The following OR6C75 variants were observed in gnomAD, a reference collection of about 807,000 sequenced individuals.
OR6C75 encodes the protein olfactory receptor 6C75.
For missense variants in OR6C75, 380 were observed against 368.0 expected (o/e 1.03, Z -0.27); for synonymous variants, 149 against 130.6 (o/e 1.14, Z -0.96).
intron 2 of OR6C75, among the ~76,000 whole-genome samples, chr12:55,364,569 C>T (rs746483160): frequency 1.2e-4 from 18 of 151,730 alleles, no homozygotes; most frequent in Non-Finnish European, 2.7e-4. Context: ...TCAGGTGATC[C>T]ATCTGCCTCA....
chr12:55,363,600 CT>C (rs895296602), intron 1 of OR6C75, among the ~76,000 whole-genome samples, 192 bp from the exon 2 acceptor site: 2 of 151,884 alleles, frequency 1.3e-5, no homozygotes, highest in African/African-American at 2.4e-5. Context: ...GAGATGCTCT[CT>C]TTTTTTCTTT....
At position 55,365,251 on chromosome 12, in the gene OR6C75, C is replaced by T; in HGVS notation, c.141C>T (p.Thr47=). ...GGAACCTGATCATTATCACCCTCAC[C>T]CTTTCAGATCCCCATCTGCAGACTC... is the stretch of plus-strand genomic sequence containing the variant. The part of the protein sequence containing the change: ...VTGNLIIITL[T]LSDPHLQTPM... Residue 47 remains threonine, a synonymous_variant, in exon 3 of 3, where the codon ACC becomes ACT. Transcript: ENST00000641576. The T allele has an allele frequency of 6.2e-7, 1 of 1,612,860 alleles. No homozygotes were observed. The highest frequency in any genetic ancestry group is 8.5e-7 in the Non-Finnish European group (1 of 1,179,514).
At position 55,365,716 on chromosome 12, in the gene OR6C75, G is replaced by A. The variant is rs1869784043; in HGVS notation, c.606G>A (p.Val202=). 1 of 1,613,668 alleles carries A rather than the reference G, an allele frequency of 6.2e-7. No homozygotes were observed. The highest frequency in any genetic ancestry group is 1.7e-5 in the Admixed American group (1 of 59,950). ...FLELMAFFLA[V]VTLMVTLTLV... ...AACTCATGGCATTTTTTTTAGCTGT[G>A]GTAACACTGATGGTCACCTTGACAT... The change falls in exon 3 of 3, where the codon GTG becomes GTA. Residue 202 remains valine, a synonymous_variant. Coordinates refer to ENST00000641576, the MANE Select transcript of OR6C75 (RefSeq NM_001005497.2).
Position 55,365,355 on chromosome 12 carries a change from C to T in OR6C75, c.245C>T (p.Thr82Ile), listed in dbSNP as rs1406771829. Residue 82 changes from threonine (T) to isoleucine (I), a missense_variant, in exon 3 of 3, where the codon ACT (threonine) becomes ATT (isoleucine). Coordinates refer to ENST00000641576, the MANE Select transcript of OR6C75 (RefSeq NM_001005497.2). ...TSVCIPRFLV[T>I]VVTGNRTISY... ...GTCTGCATTCCCAGATTCCTTGTCA[C>T]TGTTGTGACAGGAAACAGAACCATT... 2 of 1,613,906 alleles carry T rather than the reference C, an allele frequency of 1.2e-6. No individual in the cohort carries two copies. The highest frequency in any genetic ancestry group is 1.7e-6 in the Non-Finnish European group (2 of 1,179,954).
chr12:55,365,664 T>A lies in OR6C75; in HGVS notation c.554T>A (p.Leu185His). 6.2e-7 allele frequency: 1 copy of A among 1,614,126 alleles called. No individual in the cohort carries two copies. The highest frequency in any genetic ancestry group is 8.5e-7 in the Non-Finnish European group (1 of 1,180,014). Reference protein sequence around the residue: ...FICDSSPMLQLSCTNTHFLEL... With the variant: ...FICDSSPMLQHSCTNTHFLEL... ...TGTGACTCTTCTCCAATGCTGCAGC[T>A]CTCTTGCACAAACACTCACTTTCTA... is the stretch of plus-strand genomic sequence containing the variant. The change falls in exon 3 of 3, where the codon CTC becomes CAC. Residue 185 changes from leucine (L) to histidine (H), a missense_variant. By Grantham distance (99) the Leu-to-His change is moderately conservative. Coordinates refer to ENST00000641576, the MANE Select transcript of OR6C75 (RefSeq NM_001005497.2).
rs143259553 is a variant in OR6C75 at position 55,368,286 on chromosome 12, T to A, written c.*2237T>A. The A allele has an allele frequency of 0.027, 4,136 of 152,154 alleles. 94 individuals are homozygous for A. The highest frequency in any genetic ancestry group is 0.06 in the African/African-American group (2,476 of 41,464). 9.4% of individuals were successfully genotyped at this position (152,154 alleles called of 1,614,324 possible). ...TGAGGCCAGGAGTTCAAGACCAGCC[T>A]GGACAGCATAGCAAGACCCTATCTC... On this transcript the variant is annotated 3_prime_UTR_variant, in exon 3 of 3. Transcript: ENST00000641576.
At position 55,365,977 on chromosome 12, in the gene OR6C75, A is replaced by C. The variant is rs780144762; in HGVS notation, c.867A>C (p.Thr289=). Residue 289 remains threonine (T), a synonymous_variant, in exon 3 of 3, where the codon ACA becomes ACC. Coordinates refer to ENST00000641576, the MANE Select transcript of OR6C75 (RefSeq NM_001005497.2). ...VAPLLNPFIY[T]LRNKQVKQAF... ...CTCTCTTGAATCCCTTCATATACAC[A>C]CTGAGAAATAAGCAAGTGAAGCAAG... 4 of 1,611,318 alleles carry C rather than the reference A, an allele frequency of 2.5e-6. No homozygotes were observed. Among genetic ancestry groups the C allele is most frequent in the Admixed American group, 1.7e-5 (1 of 59,588 alleles).
intron 2 of OR6C75, among the ~76,000 whole-genome samples, chr12:55,364,602 C>T (rs1262540386): frequency 2.0e-5 from 3 of 151,976 alleles, no homozygotes; most frequent in African/African-American, 4.8e-5. Flanking sequence ...GCTGGGATTA[C>T]AGGCATGAGC....
intron 2 of OR6C75, among the ~76,000 whole-genome samples, chr12:55,364,670 C>G (rs7487792): frequency 1.1e-4 from 17 of 152,152 alleles, no homozygotes; most frequent in Admixed American, 1.1e-3. Flanking sequence ...ATAACATAAT[C>G]TTTCTATATG....
In OR6C75 at chr12:55,365,177, G is replaced by A. The variant is rs376969935; in HGVS notation, c.67G>A (p.Val23Ile). ...LGLTSDPQWQ[V>I]VLFIFLLVTY... ...ATTGACAAGTGACCCACAGTGGCAG[G>A]TTGTACTTTTCATATTTCTTCTTGT... The change falls in exon 3 of 3, where the codon GTT becomes ATT. Residue 23 changes from valine to isoleucine, a missense_variant. Val to Ile is a conservative substitution (Grantham distance 29, BLOSUM62 3). Coordinates refer to ENST00000641576, the MANE Select transcript of OR6C75 (RefSeq NM_001005497.2). The A allele has an allele frequency of 8.4e-5, 136 of 1,613,428 alleles. No individual in the cohort carries two copies. The highest frequency in any genetic ancestry group is 2.2e-4 in the South Asian group (20 of 90,946).
intron 1 of OR6C75, among the ~76,000 whole-genome samples, chr12:55,363,457 A>G (rs1869715296): frequency 6.6e-6 from 1 of 152,108 alleles, no homozygotes; most frequent in Non-Finnish European, 1.5e-5. Flanking sequence ...AATGTAAAGA[A>G]TATGATATCT....
At chr12:55,364,618 C>T (rs1364185395) in intron 2 of OR6C75, among the ~76,000 whole-genome samples, 2 of 151,920 alleles carry the variant, frequency 1.3e-5, no homozygotes, top group African/African-American at 4.8e-5. Flanking sequence ...TGAGCCACTG[C>T]GCCCAGCCTA....
chr12:55,365,281 G>T lies in OR6C75; in HGVS notation c.171G>T (p.Met57Ile). ...TLSDPHLQTP[M>I]YFFLRNFSFL... is the part of the protein sequence containing the mutation. ...CAGATCCCCATCTGCAGACTCCCATGTATTTCTTCCTTCGGAACTTCTCAT... is the reference window on the plus strand; with the variant it reads ...CAGATCCCCATCTGCAGACTCCCATTTATTTCTTCCTTCGGAACTTCTCAT... Residue 57 changes from methionine (M) to isoleucine (I), a missense_variant, in exon 3 of 3, where the codon ATG becomes ATT. Met to Ile is a conservative substitution (Grantham distance 10). Coordinates refer to ENST00000641576, the MANE Select transcript of OR6C75 (RefSeq NM_001005497.2). The T allele has an allele frequency of 1.9e-6, 3 of 1,613,782 alleles. No individual in the cohort carries two copies. The highest frequency in any genetic ancestry group is 2.5e-6 in the Non-Finnish European group (3 of 1,179,898).
chr12:55,364,329 T>TA (rs1869740299), intron 2 of OR6C75, among the ~76,000 whole-genome samples: 1 of 80,388 alleles, frequency 1.2e-5, no homozygotes, highest in Non-Finnish European at 2.6e-5. Context: ...TTTTTTTTTT[T>TA]TTTTTTTTTT....
chr12:55,365,467 C>T lies in OR6C75; in HGVS notation c.357C>T (p.Asp119=). The change falls in exon 3 of 3, where the codon GAC becomes GAT. Residue 119 remains aspartate, a synonymous_variant. Transcript: ENST00000641576. ...EFYLLAAMSY[D]RCMAICKPLH... is the part of the protein sequence containing the mutation. ...ACCTTCTGGCTGCCATGTCCTATGACCGCTGCATGGCCATCTGCAAACCTC... is the reference window on the plus strand; with the variant it reads ...ACCTTCTGGCTGCCATGTCCTATGATCGCTGCATGGCCATCTGCAAACCTC... The T allele has an allele frequency of 6.2e-7, 1 of 1,614,026 alleles. No individual in the cohort carries two copies. The highest frequency in any genetic ancestry group is 8.5e-7 in the Non-Finnish European group (1 of 1,179,974).
chr12:55,368,162 G>A lies in OR6C75; in HGVS notation c.*2113G>A, dbSNP rs972259974. The A allele has an allele frequency of 1.3e-5, 2 of 152,184 alleles. No individual in the cohort carries two copies. The highest frequency in any genetic ancestry group is 4.8e-5 in the African/African-American group (2 of 41,398). 9.4% of individuals were successfully genotyped at this position (152,184 alleles called of 1,614,324 possible). A position where few individuals can be genotyped will look rare whatever the true frequency, so the allele number is the denominator to read the frequency against. On this transcript the variant is annotated 3_prime_UTR_variant, in exon 3 of 3. Coordinates refer to ENST00000641576, the MANE Select transcript of OR6C75 (RefSeq NM_001005497.2). ...ACTGCACTCCACCCTGGACAACAGAGTGAGACCCTGTCTCAAAAAAATAAA... is the reference window on the plus strand; with the variant it reads ...ACTGCACTCCACCCTGGACAACAGAATGAGACCCTGTCTCAAAAAAATAAA...
chr12:55,365,211 T>A lies in OR6C75; in HGVS notation c.101T>A (p.Met34Lys), dbSNP rs752532745. 66 of 1,612,770 alleles carry A rather than the reference T, an allele frequency of 4.1e-5. No homozygotes were observed. The highest frequency in any genetic ancestry group is 5.5e-5 in the Non-Finnish European group (65 of 1,179,474). ...VLFIFLLVTY[M>K]LSVTGNLIII... ...TTCATATTTCTTCTTGTTACCTACA[T>A]GTTAAGTGTGACTGGGAACCTGATC... Residue 34 changes from methionine (M) to lysine (K), a missense_variant, in exon 3 of 3, where the codon ATG (methionine) becomes AAG (lysine). Coordinates refer to ENST00000641576, the MANE Select transcript of OR6C75 (RefSeq NM_001005497.2).
At chr12:55,363,112 A>G (rs1869708999) in intron 1 of OR6C75, 63 bp downstream of exon 1, 1 of 152,180 alleles carries the variant, frequency 6.6e-6, no homozygotes, top group South Asian at 2.1e-4. Flanking sequence ...AAATGTATTT[A>G]TGTATGCCCT....
rs199828790 is a variant in OR6C75 at position 55,365,468 on chromosome 12, C to A, written c.358C>A (p.Arg120Ser). The A allele has an allele frequency of 1.2e-6, 2 of 1,613,940 alleles. No individual in the cohort carries two copies. Among genetic ancestry groups the A allele is most frequent in the African/African-American group, 2.7e-5 (2 of 74,988 alleles). ...FYLLAAMSYD[R>S]CMAICKPLHY... is the part of the protein sequence containing the mutation. Reference sequence around the variant, plus strand: ...CCTTCTGGCTGCCATGTCCTATGACCGCTGCATGGCCATCTGCAAACCTCT... The same window carrying A: ...CCTTCTGGCTGCCATGTCCTATGACAGCTGCATGGCCATCTGCAAACCTCT... Residue 120 changes from arginine to serine, a missense_variant, in exon 3 of 3, where the codon CGC (arginine) becomes AGC (serine). Arg to Ser is a moderately radical substitution (Grantham distance 110). Coordinates refer to ENST00000641576, the MANE Select transcript of OR6C75 (RefSeq NM_001005497.2).
Sources: gnomAD v4.1 joint callset for allele counts (sites outside exome capture counted in the v4.1 genomes callset) on GRCh38, gnomAD v4.1.1 for gene constraint, MANE v1.5 for transcripts, NCBI Gene and HGNC (gene_info 2026-07-23, HGNC 2026-07-21) for gene names.